The following KRT77 variants were observed in gnomAD, a reference collection of about 807,000 sequenced individuals.
The protein encoded by KRT77 is keratin 77.
Under a neutral mutation model 51.5 loss-of-function variants are expected in KRT77, and 44 were observed. The ratio of observed to expected loss-of-function variants is 0.85; its 90% CI spans 0.67 to 1.10. The LOEUF (loss-of-function observed/expected upper bound fraction) is 1.10. KRT77 is among the 50% of genes least tolerant of loss of function. KRT77 has a pLI of 0.00. For missense variants in KRT77, 763 were observed against 743.9 expected, an observed-to-expected ratio of 1.03 and a Z score of -0.30; for synonymous variants, 293 against 302.0, an observed-to-expected ratio of 0.97 and a Z score of 0.31.
intron 5 of KRT77, 61 bp from the exon 6 acceptor site, chr12:52,692,941 G>A: frequency 1.3e-6 from 2 of 1,575,376 alleles, no homozygotes; most frequent in East Asian, 2.2e-5. Context: ...CCTCCAGGAG[G>A]GAGTAGGTCT....
Position 52,697,828 on chromosome 12 carries a change from G to A in KRT77, c.612C>T (p.Thr204=). The A allele has an allele frequency of 6.2e-7, 1 of 1,614,096 alleles. No homozygotes were observed. The highest frequency in any genetic ancestry group is 8.5e-7 in the Non-Finnish European group (1 of 1,180,012). Residue 204 remains threonine (T), a synonymous_variant, in exon 2 of 9, where the codon ACC becomes ACT. Coordinates refer to ENST00000341809, the MANE Select transcript of KRT77 (RefSeq NM_175078.3). ...TKWELLQQVN[T]STGTNNLEPL... is the part of the protein sequence containing the mutation. The stretch of plus-strand genomic sequence containing the variant: ...GCTCCAGGTTGTTGGTTCCAGTTGA[G>A]GTGTTCACCTGCTGCAGCAACTCCC...
rs764922509 is a variant in KRT77 at position 52,697,842 on chromosome 12, G to C, written c.598C>G (p.Gln200Glu). The C allele has an allele frequency of 1.1e-5, 17 of 1,614,122 alleles. No homozygotes were observed. Among genetic ancestry groups the C allele is most frequent in the Non-Finnish European group, 1.4e-5 (17 of 1,179,992 alleles). Residue 200 changes from glutamine to glutamate, a missense_variant, in exon 2 of 9, where the codon CAG becomes GAG. Coordinates refer to ENST00000341809, the MANE Select transcript of KRT77 (RefSeq NM_175078.3). ...QVLQTKWELLQQVNTSTGTNN... is the reference protein window; with the variant it reads ...QVLQTKWELLEQVNTSTGTNN... ...GTTCCAGTTGAGGTGTTCACCTGCT[G>C]CAGCAACTCCCATTTTGTTTGTAGC...
chr12:52,699,880 A>T (rs140342682), intron 1 of KRT77, among the ~76,000 whole-genome samples: 280 of 152,334 alleles, frequency 1.8e-3, no homozygotes, highest in African/African-American at 6.3e-3. Context: ...CAGTGGACCC[A>T]TGGACACACA....
intron 4 of KRT77, 61 bp downstream of exon 4, chr12:52,695,711 A>G: frequency 8.3e-7 from 1 of 1,211,516 alleles, no homozygotes; most frequent in Non-Finnish European, 1.2e-6. Flanking sequence ...CCCCTCTTAC[A>G]GCCCATACTC....
At chr12:52,699,142 C>T (rs1474450327) in intron 1 of KRT77, among the ~76,000 whole-genome samples, 1 of 152,224 alleles carries the variant, frequency 6.6e-6, no homozygotes, top group African/African-American at 2.4e-5. Flanking sequence ...CAGCTCACAA[C>T]ACCGTGAGAA....
At position 52,696,426 on chromosome 12, in the gene KRT77, C is replaced by T. The variant is rs1565653375; in HGVS notation, c.763G>A (p.Glu255Lys). Residue 255 changes from glutamate to lysine, a missense_variant, in exon 3 of 9, where the codon GAG (glutamate) becomes AAG (lysine). Physicochemically the swap from Glu to Lys is moderately conservative, Grantham distance 56 (BLOSUM62 1). Transcript: ENST00000341809. The part of the protein sequence containing the change: ...DVVEDYKSKY[E>K]DEINKRTGSE... ...CCAGTCCTCTTGTTGATTTCATCCT[C>T]ATACCTGTCAGGCGAGGCAAAGGAG... 3.1e-6 allele frequency: 5 copies of T among 1,614,072 alleles called. No homozygotes were observed. Among genetic ancestry groups the T allele is most frequent in the Non-Finnish European group, 3.4e-6 (4 of 1,180,010 alleles).
intron 1 of KRT77, among the ~76,000 whole-genome samples, chr12:52,702,606 CATGGGTGG>C (rs1299573109): frequency 8.1e-5 from 12 of 148,738 alleles, no homozygotes; most frequent in African/African-American, 1.7e-4. Flanking sequence ...TAGATGGGTG[CATGGGTGG>C]ATGGGTGGAT....
chr12:52,703,308 T>A lies in KRT77; in HGVS notation c.127A>T (p.Arg43Trp). ...AVGSVCYARG[R>W]CGGGGYGIHG... ...ATCCCATATCCACCACCACCACACC[T>A]CCCTCGAGCATAACACACAGAACCC... is the stretch of plus-strand genomic sequence containing the variant. The change falls in exon 1 of 9, where the codon AGG becomes TGG. Residue 43 changes from arginine (R) to tryptophan (W), a missense_variant. Physicochemically the swap from Arg to Trp is moderately radical, Grantham distance 101. Transcript: ENST00000341809. 6.2e-7 allele frequency: 1 copy of A among 1,613,192 alleles called. No homozygotes were observed. Among genetic ancestry groups the A allele is most frequent in the Middle Eastern group, 1.6e-4 (1 of 6,062 alleles).
At position 52,697,581 on chromosome 12, in the gene KRT77, GC is replaced by G. The variant is rs1421892340; in HGVS notation, c.758+100del. On this transcript the variant is annotated intron_variant, in intron 2 of 8. Transcript: ENST00000341809. ...GTGCAGTGCAGAGCCTGCATGCCCC[GC>G]CCCCCACCCTTACACACAAACACTG... 3.9e-5 allele frequency: 7 copies of G among 179,398 alleles called. 1 individual carries two copies. The highest frequency in any genetic ancestry group is 8.9e-5 in the South Asian group (1 of 11,294). 11.1% of individuals were successfully genotyped at this position (179,398 alleles called of 1,614,324 possible). A position where few individuals can be genotyped will look rare whatever the true frequency, so the allele number is the denominator to read the frequency against.
intron 1 of KRT77, chr12:52,698,265 G>T: frequency 1.5e-6 from 1 of 646,038 alleles, no homozygotes; most frequent in Non-Finnish European, 2.5e-6. Flanking sequence ...CTTTCTCTTT[G>T]TGGTCAAAAT....
At chr12:52,692,359 G>A (rs1941723710) in intron 7 of KRT77, 62 bp downstream of exon 7, 1 of 1,569,192 alleles carries the variant, frequency 6.4e-7, no homozygotes, top group Non-Finnish European at 8.7e-7. Context: ...CAAATAGCCA[G>A]TCCCACAGCT....
intron 4 of KRT77, chr12:52,695,188 A>G (rs1941776449): frequency 6.0e-6 from 1 of 165,448 alleles, no homozygotes; most frequent in African/African-American, 2.4e-5. Context: ...TCTTGGCTGT[A>G]CCATTGACTA....
At chr12:52,701,623 G>A (rs947424349) in intron 1 of KRT77, among the ~76,000 whole-genome samples, 1 of 152,226 alleles carries the variant, frequency 6.6e-6, no homozygotes, top group South Asian at 2.1e-4. Context: ...CTGGGGAGGT[G>A]CTAGTGGCCG....
At chr12:52,691,493 C>A in intron 8 of KRT77, 54 bp from the exon 9 acceptor site, 5 of 1,500,400 alleles carry the variant, frequency 3.3e-6, no homozygotes, top group Non-Finnish European at 4.4e-6. Flanking sequence ...AAGGCCCCCA[C>A]CTGCACCCGC....
At position 52,696,369 on chromosome 12, in the gene KRT77, C is replaced by T. The variant is rs1182248260; in HGVS notation, c.819+1G>A. 1 of 1,614,044 alleles carries T rather than the reference C, an allele frequency of 6.2e-7. No individual in the cohort carries two copies. The highest frequency in any genetic ancestry group is 8.5e-7 in the Non-Finnish European group (1 of 1,179,990). On this transcript the variant is annotated splice_donor_variant, in intron 3 of 8. Transcript: ENST00000341809. LOFTEE classifies it high-confidence loss of function. ...ACCCTCAGGACTCCCCTTTCCCTCA[C>T]CTTCTTCAGGACGACAAAGTCATTC...
At chr12:52,693,393 G>T in intron 5 of KRT77, 1 of 154,920 alleles carries the variant, frequency 6.5e-6, no homozygotes, top group South Asian at 2.0e-4. Context: ...TCCACCCCCA[G>T]GACAGGGCTC....
chr12:52,696,299 C>T (rs1941794025), intron 3 of KRT77, 71 bp downstream of exon 3: 2 of 1,444,436 alleles, frequency 1.4e-6, no homozygotes, highest in South Asian at 1.1e-5. Flanking sequence ...CACAGAGCAT[C>T]CCATAGGGAT....
chr12:52,692,090 G>T, intron 7 of KRT77, 118 bp from the exon 8 acceptor site: 2 of 1,111,914 alleles, frequency 1.8e-6, no homozygotes, highest in Non-Finnish European at 2.7e-6. Context: ...GTGTGCATGA[G>T]CAGAGGTCAG....
intron 7 of KRT77, 127 bp downstream of exon 7, chr12:52,692,294 T>C: frequency 9.6e-7 from 1 of 1,036,276 alleles, no homozygotes; most frequent in South Asian, 1.5e-5. Context: ...ATTGGAATGT[T>C]TCTGCTCACC....
Sources: allele counts gnomAD v4.1 joint callset (sites outside exome capture counted in the v4.1 genomes callset), GRCh38; gene constraint gnomAD v4.1.1; transcripts MANE v1.5; gene names NCBI Gene and HGNC (gene_info 2026-07-23, HGNC 2026-07-21).